The following CLMN variants were observed in gnomAD, a reference collection of about 807,000 sequenced individuals.
CLMN encodes the protein calmin (calponin-like, transmembrane).
Under a neutral mutation model 92.7 loss-of-function variants are expected in CLMN, and 57 were observed. The observed-to-expected ratio is 0.61, with a 90% CI of 0.50 to 0.77. The LOEUF is 0.77. Ranked by LOEUF, CLMN falls within the 30% of genes least tolerant of loss-of-function variation. CLMN has a pLI of 0.00. For missense variants in CLMN, 1,158 were observed against 1,237.5 expected (o/e 0.94, Z 0.96); for synonymous variants, 466 against 470.6 (o/e 0.99, Z 0.13).
At position 95,229,945 on chromosome 14, in the gene CLMN, T is replaced by A. The variant is rs1897830849; in HGVS notation, c.144+127A>T. The A allele has an allele frequency of 3.4e-6, 3 of 884,016 alleles. No homozygotes were observed. The Admixed American group carries it at 6.0e-5, about 18-fold the overall frequency. The allele number at this position is 884,016 out of a possible 1,614,324, so 54.8% of individuals were successfully genotyped here. ...CTTGGTAACCGGCAGGGGGAGGCACTTATAAATGTTTAAATGAATGAACAA... is the reference window on the plus strand; with the variant it reads ...CTTGGTAACCGGCAGGGGGAGGCACATATAAATGTTTAAATGAATGAACAA... On this transcript the variant is annotated intron_variant, in intron 2 of 12. Transcript: ENST00000298912.
chr14:95,242,444 G>C (rs574866149), intron 1 of CLMN, among the ~76,000 whole-genome samples: 1 of 151,846 alleles, frequency 6.6e-6, no homozygotes, highest in South Asian at 2.1e-4. Flanking sequence ...ATTTCTAGTA[G>C]AGATGGGGTT....
chr14:95,263,330 G>GTA (rs1403901496), intron 1 of CLMN, among the ~76,000 whole-genome samples: 4 of 152,136 alleles, frequency 2.6e-5, no homozygotes, highest in Non-Finnish European at 4.4e-5. Flanking sequence ...CAGCATGGGG[G>GTA]TAACTGCTCC....
At chr14:95,195,587 C>T (rs1896686837) in intron 10 of CLMN, among the ~76,000 whole-genome samples, 1 of 152,226 alleles carries the variant, frequency 6.6e-6, no homozygotes, top group African/African-American at 2.4e-5. Context: ...TCACAGGCAA[C>T]AAGGGGGCAC....
chr14:95,313,640 CA>C (rs201896524), intron 1 of CLMN, among the ~76,000 whole-genome samples: 10,185 of 90,600 alleles, frequency 0.11, 802 homozygotes, highest in East Asian at 0.51. Flanking sequence ...ACTGTTTAAA[CA>C]AAAAAAAAAA....
rs566115689 is a variant in CLMN, at chr14:95,216,207, G to A, written c.325-474C>T. Among the ~76,000 whole-genome samples, 76 of 152,256 alleles carry A rather than the reference G, an allele frequency of 5.0e-4. 1 individual carries two copies. In the South Asian group the frequency reaches 0.016, roughly 31 times the overall value. On this transcript the variant is annotated intron_variant, in intron 4 of 12. Coordinates refer to ENST00000298912, the MANE Select transcript of CLMN (RefSeq NM_024734.4). ...GCGACAGGCAAGAGAACGTGTGCAG[G>A]GGAATTCCCTTTTATAAAACCATCA...
chr14:95,261,266 A>G (rs1186875472), intron 1 of CLMN, among the ~76,000 whole-genome samples: 1 of 151,498 alleles, frequency 6.6e-6, no homozygotes, highest in Non-Finnish European at 1.5e-5. Flanking sequence ...GCTGAAGCAG[A>G]AGGCCGAGGC....
chr14:95,202,642 G>A (rs148959329), intron 9 of CLMN, among the ~76,000 whole-genome samples, 196 bp downstream of exon 9: 1 of 152,346 alleles, frequency 6.6e-6, no homozygotes, highest in Admixed American at 6.5e-5. Context: ...AGGATTTCAG[G>A]AGGTGCTCAC....
rs140401571 is a variant in CLMN at position 95,191,353 on chromosome 14, A to G, written c.*211T>C. On this transcript the variant is annotated 3_prime_UTR_variant, in exon 13 of 13. Transcript: ENST00000298912. This position sits in a 1 kb window ranked among gnomAD's most constrained non-coding sequence, Gnocchi z 5.3. ...CCAGCTGCATGCCTGAGTTTTGAGTACACAGCCAAAGAAAAAAGCATGCTC... is the reference window on the plus strand; with the variant it reads ...CCAGCTGCATGCCTGAGTTTTGAGTGCACAGCCAAAGAAAAAAGCATGCTC... 5 of 417,974 alleles carry G rather than the reference A, an allele frequency of 1.2e-5. No homozygotes were observed. Among genetic ancestry groups the G allele is most frequent in the Non-Finnish European group, 1.7e-5 (4 of 236,920 alleles). 25.9% of individuals were successfully genotyped at this position (417,974 alleles called of 1,614,324 possible).
chr14:95,205,756 G>A (rs1035064815), intron 8 of CLMN, among the ~76,000 whole-genome samples: 4 of 152,072 alleles, frequency 2.6e-5, no homozygotes, highest in African/African-American at 4.8e-5. Flanking sequence ...AAGGTAAGCT[G>A]ATGTATGTTA....
chr14:95,292,291 T>C (rs1006403081), intron 1 of CLMN, among the ~76,000 whole-genome samples: 10 of 152,362 alleles, frequency 6.6e-5, no homozygotes, highest in African/African-American at 2.2e-4. Context: ...CCATATTTTA[T>C]ACAGTGGACA....
chr14:95,211,783 G>A (rs946072746), intron 6 of CLMN, among the ~76,000 whole-genome samples: 1 of 152,048 alleles, frequency 6.6e-6, no homozygotes, highest in African/African-American at 2.4e-5. Flanking sequence ...AGCATCTTAT[G>A]CTACCAGGGT....
intron 1 of CLMN, among the ~76,000 whole-genome samples, chr14:95,237,487 T>C (rs1267716850): frequency 6.6e-6 from 1 of 152,248 alleles, no homozygotes; most frequent in Non-Finnish European, 1.5e-5. Context: ...GGGTTCTCTC[T>C]GTTACCACTG....
At chr14:95,219,610 G>A (rs1897462723) in intron 4 of CLMN, among the ~76,000 whole-genome samples, 2 of 152,108 alleles carry the variant, frequency 1.3e-5, no homozygotes, top group South Asian at 2.1e-4. Flanking sequence ...ATGTAGAAAC[G>A]GAGGCTCAGG....
chr14:95,311,510 C>A (rs532188179), intron 1 of CLMN, among the ~76,000 whole-genome samples: 55 of 152,266 alleles, frequency 3.6e-4, no homozygotes, highest in Non-Finnish European at 7.5e-4. Context: ...CAAATCCTAA[C>A]AACCCCAGGG....
chr14:95,253,894 G>A (rs972001299), intron 1 of CLMN, among the ~76,000 whole-genome samples: 33 of 152,274 alleles, frequency 2.2e-4, no homozygotes, highest in African/African-American at 6.7e-4. Flanking sequence ...GATTACAGGC[G>A]TGAGCCACTG....
intron 6 of CLMN, 150 bp from the exon 7 acceptor site, chr14:95,211,029 A>T: frequency 1.4e-6 from 1 of 697,718 alleles, no homozygotes; most frequent in East Asian, 3.2e-5. Context: ...TGAGCATGGG[A>T]GAGCTGCCCT....
At chr14:95,283,699 T>C (rs907517136) in intron 1 of CLMN, among the ~76,000 whole-genome samples, 2 of 152,178 alleles carry the variant, frequency 1.3e-5, no homozygotes, top group African/African-American at 4.8e-5. Flanking sequence ...GTGTGGAACT[T>C]TGAACTTGAG....
chr14:95,218,041 CTTCAG>C (rs1484248302), intron 4 of CLMN, among the ~76,000 whole-genome samples: 1 of 152,212 alleles, frequency 6.6e-6, no homozygotes, highest in Non-Finnish European at 1.5e-5. Context: ...AACAGCCAGA[CTTCAG>C]TTCAGAGCTT....
At position 95,268,850 on chromosome 14, in the gene CLMN, C is replaced by G. The variant is rs550321467; in HGVS notation, c.83-38717G>C. Among the ~76,000 whole-genome samples, 197 of 129,492 alleles carry G rather than the reference C, an allele frequency of 1.5e-3. 6 individuals are homozygous for G. In the South Asian group the frequency reaches 0.046, roughly 30 times the overall value. 85.0% of individuals were successfully genotyped at this position (129,492 alleles called of 152,430 possible). On this transcript the variant is annotated intron_variant, in intron 1 of 12. Coordinates refer to ENST00000298912, the MANE Select transcript of CLMN (RefSeq NM_024734.4). The stretch of plus-strand genomic sequence containing the variant: ...ACAGAGTCTCACTCTGTCGCCCAGG[C>G]TGGAGTGCAGTGGCACAATCTTGGC...
Sources: allele counts gnomAD v4.1 joint callset (sites outside exome capture counted in the v4.1 genomes callset), GRCh38; gene constraint gnomAD v4.1.1; non-coding constraint Gnocchi (gnomAD v3.1); transcripts MANE v1.5; gene names NCBI Gene and HGNC (gene_info 2026-07-23, HGNC 2026-07-21).